SSBP2: variants seen among roughly 807,000 people sequenced by gnomAD.
The protein encoded by SSBP2 is single-stranded DNA-binding protein 2.
In SSBP2, 17 loss-of-function variants were observed where a neutral mutation model predicts 61.8. That is an observed-to-expected ratio of 0.28 (90% CI 0.19 to 0.41). The LOEUF (loss-of-function observed/expected upper bound fraction) is 0.41, where lower values mean the gene tolerates loss of function less well. Ranked by LOEUF, SSBP2 falls within the 10% of genes least tolerant of loss-of-function variation. SSBP2 has a pLI of 1.00. For synonymous variants in SSBP2, 139 were observed against 141.3 expected (o/e 0.98, Z 0.12); for missense variants, 310 against 458.7 (o/e 0.68, Z 2.96).
chr5:81,498,527 AAATT>A (rs1220120684), intron 5 of SSBP2, among the ~76,000 whole-genome samples: 2 of 152,094 alleles, frequency 1.3e-5, no homozygotes, highest in Non-Finnish European at 2.9e-5. Context: ...AATGACTGTA[AAATT>A]ATTTATTCAT....
chr5:81,518,386 G>C (rs1769202367), intron 4 of SSBP2, among the ~76,000 whole-genome samples: 1 of 151,918 alleles, frequency 6.6e-6, no homozygotes, highest in African/African-American at 2.4e-5. Context: ...GAGGTGAGTA[G>C]GTCTTGAGGG....
At chr5:81,479,774 T>A (rs1765850595) in intron 6 of SSBP2, among the ~76,000 whole-genome samples, 1 of 152,208 alleles carries the variant, frequency 6.6e-6, no homozygotes, top group Non-Finnish European at 1.5e-5. Flanking sequence ...ATAAAGTTAT[T>A]ATTATTCATC....
At chr5:81,504,962 C>T (rs6872753) in intron 5 of SSBP2, among the ~76,000 whole-genome samples, 3,586 of 152,314 alleles carry the variant, frequency 0.024, 147 homozygotes, top group African/African-American at 0.082. Context: ...ATACTCCCTA[C>T]CCCCAAGAAT....
intron 4 of SSBP2, among the ~76,000 whole-genome samples, chr5:81,613,627 T>G (rs1019580126): frequency 6.6e-6 from 1 of 152,244 alleles, no homozygotes; most frequent in South Asian, 2.1e-4. Flanking sequence ...TTTCTTAAAA[T>G]GTAGGCTATC....
At chr5:81,453,686 G>A (rs1476564462) in intron 10 of SSBP2, among the ~76,000 whole-genome samples, 1 of 152,082 alleles carries the variant, frequency 6.6e-6, no homozygotes, top group East Asian at 1.9e-4. Context: ...TCGATCTCCT[G>A]ACCTCGTGAT....
chr5:81,611,218 A>G (rs1745409530), intron 4 of SSBP2, among the ~76,000 whole-genome samples: 1 of 152,254 alleles, frequency 6.6e-6, no homozygotes, highest in African/African-American at 2.4e-5. Context: ...ATCAAAAACA[A>G]GACAACATAA....
chr5:81,710,790 T>C (rs1159854738), intron 1 of SSBP2: 3 of 417,976 alleles, frequency 7.2e-6, no homozygotes, highest in South Asian at 1.8e-5. Context: ...TGAGATAATA[T>C]GTTTTAATAT....
intron 4 of SSBP2, among the ~76,000 whole-genome samples, chr5:81,522,347 T>C (rs958429269): frequency 4.6e-5 from 7 of 152,036 alleles, no homozygotes; most frequent in Admixed American, 2.0e-4. Context: ...TAAAAGACTG[T>C]AGGTGAATAA....
At chr5:81,583,051 T>G (rs533089593) in intron 4 of SSBP2, among the ~76,000 whole-genome samples, 1 of 151,928 alleles carries the variant, frequency 6.6e-6, no homozygotes, top group Non-Finnish European at 1.5e-5. Context: ...TGAGACCCCA[T>G]CTTTAACAAA....
chr5:81,576,517 A>G (rs1774229752), intron 4 of SSBP2, among the ~76,000 whole-genome samples: 1 of 152,094 alleles, frequency 6.6e-6, no homozygotes, highest in South Asian at 2.1e-4. Flanking sequence ...CTAGATAATA[A>G]AAAGGCTAGA....
intron 3 of SSBP2, among the ~76,000 whole-genome samples, chr5:81,635,391 G>A (rs1023025721): frequency 6.6e-6 from 1 of 152,024 alleles, no homozygotes; most frequent in Non-Finnish European, 1.5e-5. Flanking sequence ...AGTTTGATGA[G>A]TAGCTGTTAT....
intron 8 of SSBP2, 44 bp from the exon 9 acceptor site, chr5:81,467,109 GA>G: frequency 7.7e-7 from 1 of 1,303,200 alleles, no homozygotes; most frequent in Non-Finnish European, 1.1e-6. Context: ...AGGGGGGAAA[GA>G]AAGGAGAGCA....
chr5:81,592,090 G>C (rs1200203863), intron 4 of SSBP2, among the ~76,000 whole-genome samples: 1 of 152,224 alleles, frequency 6.6e-6, no homozygotes, highest in Non-Finnish European at 1.5e-5. Flanking sequence ...CCTAGTCAAA[G>C]AAAGGGGTGA....
chr5:81,725,126 G>A (rs1755787809), intron 1 of SSBP2, among the ~76,000 whole-genome samples: 1 of 152,080 alleles, frequency 6.6e-6, no homozygotes, highest in Non-Finnish European at 1.5e-5. Context: ...AGATAAAGCA[G>A]AACTCTCTGG....
At chr5:81,665,516 CAG>C (rs770703495) in intron 1 of SSBP2, among the ~76,000 whole-genome samples, 3 of 152,062 alleles carry the variant, frequency 2.0e-5, no homozygotes, top group Admixed American at 6.5e-5. Context: ...TTAATTGAGA[CAG>C]AGTCTCACTC....
intron 5 of SSBP2, among the ~76,000 whole-genome samples, chr5:81,507,525 A>G (rs746048566): frequency 2.0e-5 from 3 of 152,284 alleles, no homozygotes; most frequent in South Asian, 2.1e-4. Context: ...AGATATTAAC[A>G]GGTATATCCC....
chr5:81,567,001 A>G (rs538920656), intron 4 of SSBP2, among the ~76,000 whole-genome samples: 1 of 152,346 alleles, frequency 6.6e-6, no homozygotes, highest in East Asian at 1.9e-4. Context: ...TGTTAAAAGC[A>G]TTCAGTTTTA....
At chr5:81,600,045 C>T (rs891206206) in intron 4 of SSBP2, among the ~76,000 whole-genome samples, 8 of 151,994 alleles carry the variant, frequency 5.3e-5, no homozygotes, top group African/African-American at 1.7e-4. Context: ...CCTGGCAATG[C>T]CAATAAATGT....
intron 4 of SSBP2, among the ~76,000 whole-genome samples, chr5:81,550,578 G>C (rs1772096204): frequency 6.6e-6 from 1 of 152,128 alleles, no homozygotes; most frequent in African/African-American, 2.4e-5. Flanking sequence ...AAATGGTCTA[G>C]AACCTCAAAA....
Sources: gnomAD v4.1 joint callset for allele counts (sites outside exome capture counted in the v4.1 genomes callset) on GRCh38, gnomAD v4.1.1 for gene constraint, MANE v1.5 for transcripts, NCBI Gene and HGNC (gene_info 2026-07-23, HGNC 2026-07-21) for gene names.